Variants in CASTOR2 observed in about 807,000 individuals in gnomAD.
CASTOR2 encodes the protein cytosolic arginine sensor for mTORC1 subunit 2, also known as GATS protein like 2.
CASTOR2 carries 8 observed loss-of-function variants against 31.2 expected under a neutral mutation model. The observed-to-expected ratio is 0.26, with a 90% CI of 0.15 to 0.46. The LOEUF is 0.46. Ranked by LOEUF, CASTOR2 falls within the 20% of genes least tolerant of loss-of-function variation. The probability of loss-of-function intolerance (pLI) is 0.99; values close to 1 mark genes in which losing one functional copy is unlikely to be tolerated. For missense variants in CASTOR2, 216 were observed against 382.1 expected (o/e 0.57, Z 3.62); for synonymous variants, 162 against 158.7 (o/e 1.02, Z -0.16).
At chr7:75,020,405 A>G (rs1300172977) in intron 6 of CASTOR2, among the ~76,000 whole-genome samples, 1 of 146,718 alleles carries the variant, frequency 6.8e-6, no homozygotes, top group Non-Finnish European at 1.5e-5. Flanking sequence ...TAATTTTTGT[A>G]TTTTTAGTAA....
chr7:75,008,149 C>T, intron 2 of CASTOR2, 85 bp downstream of exon 2: 2 of 1,538,470 alleles, frequency 1.3e-6, no homozygotes, highest in Non-Finnish European at 1.8e-6. Flanking sequence ...CTGTCCCCCG[C>T]CCACCTCCTT....
chr7:74,996,493 A>G (rs1330761178), intron 1 of CASTOR2, among the ~76,000 whole-genome samples: 2 of 150,964 alleles, frequency 1.3e-5, no homozygotes, highest in Admixed American at 6.7e-5. Context: ...AAATATTTCC[A>G]TTGTGGTCTT....
At chr7:75,011,029 A>G (rs1280074430) in intron 2 of CASTOR2, among the ~76,000 whole-genome samples, 1 of 151,772 alleles carries the variant, frequency 6.6e-6, no homozygotes, top group East Asian at 1.9e-4. Flanking sequence ...ATTTTTTTGT[A>G]TTTTTAGTAG....
At chr7:75,021,676 C>G (rs1459717501) in intron 6 of CASTOR2, among the ~76,000 whole-genome samples, 198 bp from the exon 7 acceptor site, 2 of 152,106 alleles carry the variant, frequency 1.3e-5, no homozygotes, top group African/African-American at 4.8e-5. Context: ...CCCTCCCCAT[C>G]CGCCTCCCCT....
Position 75,027,997 on chromosome 7 carries a change from TC to T in CASTOR2, c.*3300del, listed in dbSNP as rs1584481474. 6.5e-6 allele frequency: 10 copies of T among 1,533,302 alleles called. No individual in the cohort carries two copies. The highest frequency in any genetic ancestry group is 3.9e-5 in the Admixed American group (2 of 50,948). The allele number at this position is 1,533,302 out of a possible 1,614,324, so 95.0% of individuals were successfully genotyped here. On this transcript the variant is annotated 3_prime_UTR_variant, in exon 9 of 9. Coordinates refer to ENST00000616305, the MANE Select transcript of CASTOR2 (RefSeq NM_001145064.3). ...GGCTCCATCCGCAGTTGCATGGAAC[TC>T]CTTACCTGTTTGCCGTCCATCCCCC... is the stretch of plus-strand genomic sequence containing the variant.
chr7:75,003,454 A>AAG (rs1804540516), intron 1 of CASTOR2, among the ~76,000 whole-genome samples: 1 of 151,604 alleles, frequency 6.6e-6, no homozygotes, highest in African/African-American at 2.4e-5. Flanking sequence ...TGTCTCAAAA[A>AAG]AGAAAAAAAA....
At chr7:74,981,687 A>G (rs1803948307) in intron 1 of CASTOR2, among the ~76,000 whole-genome samples, 1 of 151,240 alleles carries the variant, frequency 6.6e-6, no homozygotes, top group Non-Finnish European at 1.5e-5. Context: ...TTGGCCTCCT[A>G]AAGTGCTGGG....
At chr7:74,988,074 T>G (rs1441868933) in intron 1 of CASTOR2, among the ~76,000 whole-genome samples, 1 of 151,876 alleles carries the variant, frequency 6.6e-6, no homozygotes, top group Non-Finnish European at 1.5e-5. Flanking sequence ...GGCCTCTGGC[T>G]TTCACTGCTC....
chr7:75,027,691 G>A lies in CASTOR2; in HGVS notation c.*2992G>A, dbSNP rs893087546. On this transcript the variant is annotated 3_prime_UTR_variant, in exon 9 of 9. Coordinates refer to ENST00000616305, the MANE Select transcript of CASTOR2 (RefSeq NM_001145064.3). ...GGTGGTCCCTGTTCAAGCCCGCTCCGTGGGAGCTGCCCCCTGGGGACCCTG... is the reference window on the plus strand; with the variant it reads ...GGTGGTCCCTGTTCAAGCCCGCTCCATGGGAGCTGCCCCCTGGGGACCCTG... 8.9e-4 allele frequency: 321 copies of A among 362,458 alleles called. 1 individual carries two copies. Among genetic ancestry groups the A allele is most frequent in the African/African-American group, 6.0e-3 (279 of 46,152 alleles). The allele number at this position is 362,458 out of a possible 1,614,324, so 22.5% of individuals were successfully genotyped here.
In CASTOR2 at chr7:75,029,659, G is replaced by A. The variant is rs933700589; in HGVS notation, c.*4960G>A. The stretch of plus-strand genomic sequence containing the variant: ...CCGCCTGGCCAATGGGATTTTTGAC[G>A]CCACTTCCTGAGTGAAGCGCTTTGC... On this transcript the variant is annotated 3_prime_UTR_variant, in exon 9 of 9. Coordinates refer to ENST00000616305, the MANE Select transcript of CASTOR2 (RefSeq NM_001145064.3). Among the ~76,000 whole-genome samples, 104 of 152,116 alleles carry A rather than the reference G, an allele frequency of 6.8e-4. No individual in the cohort carries two copies. The highest frequency in any genetic ancestry group is 2.3e-3 in the African/African-American group (94 of 41,510).
intron 6 of CASTOR2, among the ~76,000 whole-genome samples, chr7:75,021,397 G>GA (rs1804997794): frequency 6.6e-6 from 1 of 152,176 alleles, no homozygotes; most frequent in South Asian, 2.1e-4. Flanking sequence ...AAAGTGCTGG[G>GA]ATTACGGGTG....
intron 1 of CASTOR2, among the ~76,000 whole-genome samples, chr7:74,982,058 A>T: frequency 1.0e-5 from 1 of 97,630 alleles, no homozygotes; most frequent in Non-Finnish European, 2.0e-5. Flanking sequence ...ACAAAGTGAG[A>T]CCCAGTCTCA....
chr7:75,021,709 G>A (rs1047257391), intron 6 of CASTOR2, among the ~76,000 whole-genome samples, 165 bp from the exon 7 acceptor site: 14 of 152,144 alleles, frequency 9.2e-5, no homozygotes, highest in South Asian at 2.1e-4. Flanking sequence ...GCCGCCGGGC[G>A]AATGGGTCCA....
At chr7:74,999,549 G>A (rs1421321165) in intron 1 of CASTOR2, among the ~76,000 whole-genome samples, 5 of 146,610 alleles carry the variant, frequency 3.4e-5, no homozygotes, top group African/African-American at 1.3e-4. Context: ...ATTTTCCTCT[G>A]GGAAGAAAAG....
intron 1 of CASTOR2, among the ~76,000 whole-genome samples, chr7:74,991,727 G>C (rs1463416945): frequency 7.2e-5 from 11 of 152,102 alleles, no homozygotes; most frequent in African/African-American, 2.4e-4. Context: ...AGACCTGAAG[G>C]CTGGGGAGTG....
chr7:75,024,576 TG>T, intron 8 of CASTOR2, 42 bp downstream of exon 8: 1 of 1,550,468 alleles, frequency 6.4e-7, no homozygotes, highest in Non-Finnish European at 8.7e-7. Context: ...AGGGCCGGGG[TG>T]GGGAAGCAGG....
intron 2 of CASTOR2, among the ~76,000 whole-genome samples, chr7:75,011,013 C>T (rs1391883913): frequency 5.3e-5 from 8 of 151,966 alleles, no homozygotes; most frequent in East Asian, 1.9e-4. Flanking sequence ...CCACCATGCC[C>T]GGCTAATTTT....
At position 75,018,225 on chromosome 7, in the gene CASTOR2, T is replaced by C; in HGVS notation, c.511+103T>C. On this transcript the variant is annotated intron_variant, in intron 4 of 8. Coordinates refer to ENST00000616305, the MANE Select transcript of CASTOR2 (RefSeq NM_001145064.3). ...AGCACGGGCTTCTGCCCACTGAGCATGAATGGAGTGCCAGGCAGAACGGGA... is the reference window on the plus strand; with the variant it reads ...AGCACGGGCTTCTGCCCACTGAGCACGAATGGAGTGCCAGGCAGAACGGGA... The C allele has an allele frequency of 1.9e-6, 3 of 1,542,786 alleles. No homozygotes were observed. In the South Asian group the frequency reaches 3.6e-5, roughly 18 times the overall value.
chr7:75,009,330 T>C (rs1334553263), intron 2 of CASTOR2, among the ~76,000 whole-genome samples: 261 of 117,838 alleles, frequency 2.2e-3, no homozygotes, highest in Admixed American at 3.3e-3. Flanking sequence ...AGTGCAGTGG[T>C]GTGATCTCAG....
Sources: allele counts gnomAD v4.1 joint callset (sites outside exome capture counted in the v4.1 genomes callset), GRCh38; gene constraint gnomAD v4.1.1; transcripts MANE v1.5; gene names NCBI Gene and HGNC (gene_info 2026-07-23, HGNC 2026-07-21).